Variants in LRRC69 observed in about 807,000 individuals in gnomAD.
LRRC69 encodes leucine rich repeat containing 69.
Under a neutral mutation model 37.8 loss-of-function variants are expected in LRRC69, and 42 were observed. The ratio of observed to expected loss-of-function variants is 1.11; its 90% confidence interval spans 0.87 to 1.44. The LOEUF is 1.44. Ranked by LOEUF, LRRC69 falls within the 40% of genes most tolerant of loss-of-function variation. The pLI is 0.00. For synonymous variants in LRRC69, 141 were observed against 143.1 expected (o/e 0.99, Z 0.11); for missense variants, 357 against 401.9 (o/e 0.89, Z 0.96).
At position 91,162,350 on chromosome 8, in the gene LRRC69, C is replaced by T. The variant is rs1018328804; in HGVS notation, c.651+26611C>T. ...ACTCTGTCCAGTGCTGAGAGTGGAG[C>T]GTTGAGTCCCCAACTATTATTGTAC... On this transcript the variant is annotated intron_variant, in intron 5 of 7. Transcript: ENST00000448384. 1.7e-4 allele frequency among the ~76,000 whole-genome samples: 26 copies of T among 151,334 alleles called. No individual in the cohort carries two copies. In the Middle Eastern group the frequency reaches 0.01, roughly 59 times the overall value.
intron 5 of LRRC69, among the ~76,000 whole-genome samples, chr8:91,165,935 G>A (rs937746634): frequency 8.6e-5 from 13 of 151,860 alleles, no homozygotes; most frequent in African/African-American, 3.1e-4. Context: ...GAAATCTAGT[G>A]AGCAAGATTT....
chr8:91,175,696 G>C (rs1809211319), intron 5 of LRRC69, among the ~76,000 whole-genome samples: 1 of 152,136 alleles, frequency 6.6e-6, no homozygotes, highest in Non-Finnish European at 1.5e-5. Context: ...CTTCGAAAGG[G>C]GGGCATCAAC....
intron 5 of LRRC69, among the ~76,000 whole-genome samples, chr8:91,160,754 C>T (rs1808925172): frequency 6.6e-6 from 1 of 151,214 alleles, no homozygotes; most frequent in Non-Finnish European, 1.5e-5. Context: ...ATAAACTACC[C>T]AGTCTCAGGC....
chr8:91,105,777 G>T (rs1309494920), intron 1 of LRRC69, among the ~76,000 whole-genome samples: 1 of 151,888 alleles, frequency 6.6e-6, no homozygotes, highest in African/African-American at 2.4e-5. Context: ...GCAGTTACCA[G>T]CTATATACAA....
intron 5 of LRRC69, among the ~76,000 whole-genome samples, chr8:91,141,532 A>G (rs980870159): frequency 2.0e-5 from 3 of 152,112 alleles, no homozygotes; most frequent in Non-Finnish European, 2.9e-5. Context: ...TGAGGTTTAT[A>G]TGACTTTCCA....
chr8:91,135,999 T>C (rs1325902690), intron 5 of LRRC69, among the ~76,000 whole-genome samples: 1 of 152,012 alleles, frequency 6.6e-6, no homozygotes, highest in Non-Finnish European at 1.5e-5. Context: ...ATGATTAAAT[T>C]TTTTGGTTAT....
intron 7 of LRRC69, among the ~76,000 whole-genome samples, chr8:91,215,524 G>A (rs1023784067): frequency 2.6e-5 from 4 of 152,026 alleles, no homozygotes; most frequent in Admixed American, 1.3e-4. Context: ...TAAAAAACAC[G>A]TAGAGAATAT....
chr8:91,197,624 C>A (rs1809635812), intron 6 of LRRC69, among the ~76,000 whole-genome samples: 1 of 152,150 alleles, frequency 6.6e-6, no homozygotes. Flanking sequence ...CGTCCGACAC[C>A]CCTTTCTTTG....
intron 7 of LRRC69, among the ~76,000 whole-genome samples, chr8:91,214,598 T>TC (rs1221289924): frequency 6.6e-6 from 1 of 152,182 alleles, no homozygotes; most frequent in Non-Finnish European, 1.5e-5. Flanking sequence ...GTAAGTCATC[T>TC]ACCTTACTAT....
At chr8:91,197,404 A>T (rs1809626491) in intron 6 of LRRC69, among the ~76,000 whole-genome samples, 2 of 152,122 alleles carry the variant, frequency 1.3e-5, no homozygotes, top group Non-Finnish European at 2.9e-5. Flanking sequence ...TTGTTTACCT[A>T]ATCAAGCCTG....
chr8:91,106,964 A>AAT (rs1813325370), intron 1 of LRRC69, among the ~76,000 whole-genome samples: 2 of 149,118 alleles, frequency 1.3e-5, no homozygotes, highest in African/African-American at 5.0e-5. Flanking sequence ...GGCTAATTAA[A>AAT]AAAATTTTTT....
intron 5 of LRRC69, among the ~76,000 whole-genome samples, chr8:91,181,640 G>A (rs1347663770): frequency 6.6e-6 from 1 of 152,160 alleles, no homozygotes; most frequent in Non-Finnish European, 1.5e-5. Flanking sequence ...TAAGACCCAT[G>A]CAAATAAACT....
At chr8:91,140,810 C>T (rs1368850318) in intron 5 of LRRC69, among the ~76,000 whole-genome samples, 1 of 65,632 alleles carries the variant, frequency 1.5e-5, no homozygotes, top group Non-Finnish European at 3.2e-5. Flanking sequence ...CCCGCCACTA[C>T]GCCCGGCTAA....
At chr8:91,161,250 GTT>G (rs1808938750) in intron 5 of LRRC69, among the ~76,000 whole-genome samples, 1 of 151,188 alleles carries the variant, frequency 6.6e-6, no homozygotes, top group Non-Finnish European at 1.5e-5. Flanking sequence ...TTCATTTGTA[GTT>G]TTTCTTGTTG....
chr8:91,197,308 C>G (rs1296880641), intron 6 of LRRC69, among the ~76,000 whole-genome samples: 1 of 152,190 alleles, frequency 6.6e-6, no homozygotes, highest in Non-Finnish European at 1.5e-5. Context: ...TGTCTGTGCC[C>G]TGCCCCCAGA....
At chr8:91,153,868 C>G (rs367642092) in intron 5 of LRRC69, among the ~76,000 whole-genome samples, 1 of 151,586 alleles carries the variant, frequency 6.6e-6, no homozygotes, top group African/African-American at 2.4e-5. Flanking sequence ...AAGATCAGAG[C>G]AGAACTGAAG....
chr8:91,201,283 G>A lies in LRRC69; in HGVS notation c.933+491G>A, dbSNP rs1745402064. 2.6e-5 allele frequency among the ~76,000 whole-genome samples: 4 copies of A among 152,138 alleles called. No homozygotes were observed. The South Asian group carries it at 6.2e-4, about 24-fold the overall frequency. ...GGGCAGTTCACATAGCCCATAAGGC[G>A]TGTTCTAGACCAGAGCTCAGCAAAC... On this transcript the variant is annotated intron_variant, in intron 7 of 7. Transcript: ENST00000448384.
intron 5 of LRRC69, among the ~76,000 whole-genome samples, chr8:91,148,926 GGTT>G (rs1486153866): frequency 1.3e-5 from 2 of 151,700 alleles, no homozygotes; most frequent in Non-Finnish European, 2.9e-5. Context: ...TTTTTGATGG[GGTT>G]GTTTGTTTTT....
chr8:91,149,755 C>T (rs201985217), intron 5 of LRRC69, among the ~76,000 whole-genome samples: 95 of 151,790 alleles, frequency 6.3e-4, no homozygotes, highest in African/African-American at 9.9e-4. Context: ...TCCTCTTTTA[C>T]TTCATTGAGC....
Sources: allele counts gnomAD v4.1 joint callset (sites outside exome capture counted in the v4.1 genomes callset), GRCh38; gene constraint gnomAD v4.1.1; transcripts MANE v1.5; gene names NCBI Gene and HGNC (gene_info 2026-07-23, HGNC 2026-07-21).